The following SGTA variants were observed in gnomAD, a reference collection of about 807,000 sequenced individuals.
SGTA encodes small glutamine rich tetratricopeptide repeat co-chaperone alpha.
Under a neutral mutation model 44.3 loss-of-function variants are expected in SGTA, and 22 were observed. The observed-to-expected ratio is 0.50, with a 90% CI of 0.36 to 0.71. The LOEUF (loss-of-function observed/expected upper bound fraction) is 0.71. Among genes scored for constraint, SGTA ranks in the 30% least tolerant of loss-of-function variants. SGTA has a pLI of 0.00. For missense variants in SGTA, 341 were observed against 435.9 expected (o/e 0.78, Z 1.94); for synonymous variants, 174 against 177.6 (o/e 0.98, Z 0.16).
chr19:2,771,237 A>C (rs546594376), intron 1 of SGTA, among the ~76,000 whole-genome samples: 4 of 152,136 alleles, frequency 2.6e-5, no homozygotes, highest in Admixed American at 6.5e-5. Context: ...CATCCTGGCC[A>C]AACACGGTGA....
chr19:2,766,653 C>T (rs1915149696), intron 4 of SGTA, among the ~76,000 whole-genome samples: 1 of 152,074 alleles, frequency 6.6e-6, no homozygotes, highest in Non-Finnish European at 1.5e-5. Context: ...CCAGGCTAGG[C>T]TTGAACTCCT....
Position 2,755,230 on chromosome 19 carries a change from C to T in SGTA, c.*710G>A, listed in dbSNP as rs772254273. ...CATGATGTCGCCCCTGGCTCTCAGT[C>T]GCGAGGACCAGAAAATGAGGGTGGG... On this transcript the variant is annotated 3_prime_UTR_variant, in exon 12 of 12. Coordinates refer to ENST00000221566, the MANE Select transcript of SGTA (RefSeq NM_003021.4). This position sits in a 1 kb window ranked among gnomAD's most constrained non-coding sequence, Gnocchi z 5.2. 4 of 195,210 alleles carry T rather than the reference C, an allele frequency of 2.0e-5. No individual in the cohort carries two copies. The highest frequency in any genetic ancestry group is 3.8e-5 in the Non-Finnish European group (4 of 105,680). The allele number at this position is 195,210 out of a possible 1,614,324, so 12.1% of individuals were successfully genotyped here. A position where few individuals can be genotyped will look rare whatever the true frequency, so the allele number is the denominator to read the frequency against.
chr19:2,768,049 G>A (rs868596616), intron 2 of SGTA, among the ~76,000 whole-genome samples: 5 of 152,136 alleles, frequency 3.3e-5, no homozygotes, highest in Non-Finnish European at 5.9e-5. Flanking sequence ...CCCGGATGCT[G>A]TTGCACCTCC....
chr19:2,761,410 C>T lies in SGTA; in HGVS notation c.699+50G>A, dbSNP rs1914984538. 1 of 1,480,708 alleles carries T rather than the reference C, an allele frequency of 6.8e-7. No homozygotes were observed. The highest frequency in any genetic ancestry group is 2.0e-5 in the Admixed American group (1 of 50,878). The allele number at this position is 1,480,708 out of a possible 1,614,324, so 91.7% of individuals were successfully genotyped here. On this transcript the variant is annotated intron_variant, in intron 8 of 11. Transcript: ENST00000221566. The surrounding 1 kb of genome is among the most constrained non-coding windows in gnomAD (Gnocchi z 5.7). ...AGTAGCGGACACAGCAGATGCGGGC[C>T]TGGGGGGTGGCGCAGACACCATGGA...
At chr19:2,782,042 A>T (rs939701878) in intron 1 of SGTA, among the ~76,000 whole-genome samples, 2 of 152,142 alleles carry the variant, frequency 1.3e-5, no homozygotes, top group African/African-American at 4.8e-5. Flanking sequence ...GGGTTTCACC[A>T]CGTTGGCTAG....
At chr19:2,768,761 G>A (rs1016273240) in intron 2 of SGTA, among the ~76,000 whole-genome samples, 5 of 152,250 alleles carry the variant, frequency 3.3e-5, no homozygotes, top group Non-Finnish European at 7.4e-5. Flanking sequence ...GTGGCGCCAC[G>A]CAGTGGCAGG....
intron 1 of SGTA, among the ~76,000 whole-genome samples, chr19:2,769,496 G>C (rs989785794): frequency 6.6e-6 from 1 of 152,212 alleles, no homozygotes; most frequent in Admixed American, 6.5e-5. Context: ...TCCAGAGAAC[G>C]ATCCAGCCCC....
chr19:2,782,553 G>A (rs1005099208), intron 1 of SGTA: 1 of 152,216 alleles, frequency 6.6e-6, no homozygotes, highest in Non-Finnish European at 1.5e-5. Context: ...TTTGCTCAGA[G>A]AGGGAAGGCG....
chr19:2,774,945 G>A (rs528770088), intron 1 of SGTA, among the ~76,000 whole-genome samples: 141 of 152,334 alleles, frequency 9.3e-4, no homozygotes, highest in Non-Finnish European at 1.6e-3. Context: ...GACACTTGGT[G>A]TTGTCTCACA....
rs1056427365 is a variant in SGTA at position 2,761,712 on chromosome 19, C to T, written c.637-190G>A. ...CCGGGGACGGCACAGTCTGTCATCC[C>T]GTGTTTATTCCCCGCACAGCGCGAC... On this transcript the variant is annotated intron_variant, in intron 7 of 11. Transcript: ENST00000221566. The surrounding 1 kb of genome is among the most constrained non-coding windows in gnomAD (Gnocchi z 5.7). Among the ~76,000 whole-genome samples the T allele has an allele frequency of 4.0e-5, 6 of 151,894 alleles. No individual in the cohort carries two copies. The highest frequency in any genetic ancestry group is 6.6e-5 in the Admixed American group (1 of 15,266).
intron 10 of SGTA, 37 bp from the exon 11 acceptor site, chr19:2,757,494 G>A (rs764307728): frequency 1.3e-6 from 2 of 1,598,786 alleles, no homozygotes; most frequent in Non-Finnish European, 1.7e-6. Flanking sequence ...GCCAGGGCCA[G>A]GAGGCTGCCT....
At chr19:2,764,186 A>AT (rs1568309113) in intron 5 of SGTA, among the ~76,000 whole-genome samples, 1 of 152,154 alleles carries the variant, frequency 6.6e-6, no homozygotes, top group Non-Finnish European at 1.5e-5. Context: ...TCTCTTTACA[A>AT]TTTTTTCAAA....
intron 9 of SGTA, among the ~76,000 whole-genome samples, chr19:2,758,086 C>G (rs913494560): frequency 2.0e-5 from 3 of 152,198 alleles, no homozygotes. Flanking sequence ...TTGGGTTACG[C>G]CAAGACAGGG....
Position 2,765,330 on chromosome 19 carries a change from G to C in SGTA, c.293-45C>G, listed in dbSNP as rs2302494. 0.23 allele frequency: 332,433 copies of C among 1,421,670 alleles called. 41,668 individuals are homozygous for C. Among genetic ancestry groups the C allele is most frequent in the East Asian group, 0.48 (20,856 of 43,156 alleles). 88.1% of individuals were successfully genotyped at this position (1,421,670 alleles called of 1,614,324 possible). On this transcript the variant is annotated intron_variant, in intron 4 of 11. Transcript: ENST00000221566. The surrounding 1 kb of genome is among the most constrained non-coding windows in gnomAD (Gnocchi z 5.5). The stretch of plus-strand genomic sequence containing the variant: ...CACCGGCCCGGTGTCCACACAGACC[G>C]GAGGGGGTGTCAGGGAGAGAGGAAA...
intron 1 of SGTA, among the ~76,000 whole-genome samples, chr19:2,777,096 CAAA>C (rs1275618576): frequency 4.0e-5 from 6 of 150,942 alleles, no homozygotes; most frequent in Non-Finnish European, 8.8e-5. Flanking sequence ...ACCCAGTGTA[CAAA>C]AAATAGCCGG....
rs1915118420 is a variant in SGTA, at chr19:2,765,672, C to G, written c.293-387G>C. 1.3e-5 allele frequency among the ~76,000 whole-genome samples: 2 copies of G among 152,146 alleles called. No individual in the cohort carries two copies. The highest frequency in any genetic ancestry group is 2.4e-5 in the African/African-American group (1 of 41,428). On this transcript the variant is annotated intron_variant, in intron 4 of 11. Coordinates refer to ENST00000221566, the MANE Select transcript of SGTA (RefSeq NM_003021.4). The surrounding 1 kb of genome is among the most constrained non-coding windows in gnomAD (Gnocchi z 5.5). The stretch of plus-strand genomic sequence containing the variant: ...TTTTGGAAAGAGCCCAAGTGGAGGC[C>G]TGTATTTTGGAATACTCATGTGATA...
At chr19:2,764,324 C>T (rs1915081083) in intron 5 of SGTA, among the ~76,000 whole-genome samples, 1 of 152,244 alleles carries the variant, frequency 6.6e-6, no homozygotes, top group African/African-American at 2.4e-5. Flanking sequence ...ACACAACCCT[C>T]CACATACTGG....
chr19:2,760,570 C>T (rs1404448694), intron 8 of SGTA, among the ~76,000 whole-genome samples: 2 of 150,702 alleles, frequency 1.3e-5, no homozygotes, highest in African/African-American at 4.9e-5. Flanking sequence ...CAAAACCCAG[C>T]GGCGGGCCTT....
Position 2,767,430 on chromosome 19 carries a change from A to C in SGTA, c.207+150T>G. 1.3e-6 allele frequency: 1 copy of C among 755,260 alleles called. No individual in the cohort carries two copies. The highest frequency in any genetic ancestry group is 1.7e-5 in the South Asian group (1 of 60,168). The allele number at this position is 755,260 out of a possible 1,614,324, so 46.8% of individuals were successfully genotyped here. On this transcript the variant is annotated intron_variant, in intron 3 of 11. Coordinates refer to ENST00000221566, the MANE Select transcript of SGTA (RefSeq NM_003021.4). This position sits in a 1 kb window ranked among gnomAD's most constrained non-coding sequence, Gnocchi z 7.3. ...ACCCGCCGATAGGGGGAGGAGGGCC[A>C]AGTGCTCCTGCAGCCACGTCCCCAG...
Sources: allele counts gnomAD v4.1 joint callset (sites outside exome capture counted in the v4.1 genomes callset), GRCh38; gene constraint gnomAD v4.1.1; non-coding constraint Gnocchi (gnomAD v3.1); transcripts MANE v1.5; gene names NCBI Gene and HGNC (gene_info 2026-07-23, HGNC 2026-07-21).